The following HCFC2 variants were observed in gnomAD, a reference collection of about 807,000 sequenced individuals.
HCFC2 encodes the protein host cell factor C2, also known as host cell factor 2.
HCFC2 carries 18 observed loss-of-function variants against 89.2 expected under a neutral mutation model. That is an observed-to-expected ratio of 0.20 (90% CI 0.14 to 0.30). HCFC2 has a LOEUF of 0.30. Among genes scored for constraint, HCFC2 ranks in the 10% least tolerant of loss-of-function variants. The probability of loss-of-function intolerance (pLI) is 1.00; values close to 1 mark genes in which losing one functional copy is unlikely to be tolerated. For missense variants in HCFC2, 578 were observed against 956.1 expected (o/e 0.60, Z 5.21); for synonymous variants, 308 against 335.7 (o/e 0.92, Z 0.90).
Position 104,079,595 on chromosome 12 carries a change from G to A in HCFC2, c.624G>A (p.Met208Ile). Residue 208 changes from methionine (M) to isoleucine (I), a missense_variant, in exon 4 of 15, where the codon ATG (methionine) becomes ATA (isoleucine). Around this residue, in one of 4 missense-constraint regions of HCFC2, gnomAD observed 206 missense variants for 419.2 expected, o/e 0.49. Transcript: ENST00000229330. ...AAAAAGATTCTGGAAGTCCTAAAATGTATGTTTTTGGTGGAATGTGTGGTG... is the reference window on the plus strand; with the variant it reads ...AAAAAGATTCTGGAAGTCCTAAAATATATGTTTTTGGTGGAATGTGTGGTG... ...YCKKDSGSPKMYVFGGMCGAR... is the reference protein window; with the variant it reads ...YCKKDSGSPKIYVFGGMCGAR... The A allele has an allele frequency of 6.2e-7, 1 of 1,614,152 alleles. No individual in the cohort carries two copies. The highest frequency in any genetic ancestry group is 8.5e-7 in the Non-Finnish European group (1 of 1,179,998).
In HCFC2 at chr12:104,095,297, G is replaced by T; in HGVS notation, c.1463-63G>T. 7.9e-7 allele frequency: 1 copy of T among 1,266,740 alleles called. No individual in the cohort carries two copies. The highest frequency in any genetic ancestry group is 1.8e-5 in the Admixed American group (1 of 56,194). 78.5% of individuals were successfully genotyped at this position (1,266,740 alleles called of 1,614,324 possible). A position where few individuals can be genotyped will look rare whatever the true frequency, so the allele number is the denominator to read the frequency against. On this transcript the variant is annotated intron_variant, in intron 10 of 14. Transcript: ENST00000229330. This position sits in a 1 kb window ranked among gnomAD's most constrained non-coding sequence, Gnocchi z 4.2. ...GTACCAAGAATCATATGACAAGAAC[G>T]ATAAGACACAACAATTATCTGCAGA...
intron 14 of HCFC2, among the ~76,000 whole-genome samples, chr12:104,102,584 T>G (rs528746563): frequency 6.6e-6 from 1 of 152,212 alleles, no homozygotes; most frequent in Non-Finnish European, 1.5e-5. Flanking sequence ...TCTGGTATGC[T>G]TCTAAATTTG....
At chr12:104,079,379 A>G in intron 3 of HCFC2, 66 bp from the exon 4 acceptor site, 1 of 1,233,538 alleles carries the variant, frequency 8.1e-7, no homozygotes, top group Non-Finnish European at 1.1e-6. Context: ...CTTTATAAAT[A>G]GAAATAAAAT....
At chr12:104,093,939 G>T (rs896534004) in intron 10 of HCFC2, among the ~76,000 whole-genome samples, 2 of 152,116 alleles carry the variant, frequency 1.3e-5, no homozygotes, top group Non-Finnish European at 2.9e-5. Flanking sequence ...TGGCTGAAAT[G>T]GAGAGGCGAG....
chr12:104,091,284 A>G (rs1160900524), intron 9 of HCFC2, among the ~76,000 whole-genome samples: 2 of 152,198 alleles, frequency 1.3e-5, no homozygotes, highest in African/African-American at 2.4e-5. Context: ...GAGCAGAACT[A>G]GGGCTACAGC....
Position 104,105,829 on chromosome 12 carries a change from C to G in HCFC2, c.*2556C>G, listed in dbSNP as rs948628955. The G allele has an allele frequency of 2.0e-5, 3 of 152,030 alleles. No homozygotes were observed. The highest frequency in any genetic ancestry group is 7.2e-5 in the African/African-American group (3 of 41,432). 9.4% of individuals were successfully genotyped at this position (152,030 alleles called of 1,614,324 possible). On this transcript the variant is annotated 3_prime_UTR_variant, in exon 15 of 15. Transcript: ENST00000229330. The stretch of plus-strand genomic sequence containing the variant: ...CCCTTTGTGTAGCAGTAGGCTGTAT[C>G]ATGCAGATATTTTTCATAGGATTTG...
At chr12:104,096,492 T>C (rs1884182633) in intron 12 of HCFC2, 59 bp downstream of exon 12, 1 of 1,129,278 alleles carries the variant, frequency 8.9e-7, no homozygotes, top group East Asian at 2.4e-5. Context: ...TTTTAAATGC[T>C]GAGCAACTTC....
intron 13 of HCFC2, among the ~76,000 whole-genome samples, chr12:104,099,826 C>T (rs576622930): frequency 2.0e-4 from 30 of 152,162 alleles, no homozygotes; most frequent in African/African-American, 7.2e-4. Context: ...CCACCATGAC[C>T]AGCTAATTTT....
chr12:104,093,636 A>C, intron 10 of HCFC2, 73 bp downstream of exon 10: 1 of 1,319,620 alleles, frequency 7.6e-7, no homozygotes, highest in Non-Finnish European at 1.1e-6. Flanking sequence ...TGAAAAAGTA[A>C]ATGTTGTACA....
intron 7 of HCFC2, among the ~76,000 whole-genome samples, chr12:104,084,435 G>A (rs983440676): frequency 2.6e-5 from 4 of 152,162 alleles, no homozygotes; most frequent in African/African-American, 9.7e-5. Context: ...AACCACTGCA[G>A]GAGGAGGGAA....
chr12:104,097,608 A>C, intron 12 of HCFC2: 2 of 936,352 alleles, frequency 2.1e-6, no homozygotes, highest in Non-Finnish European at 2.5e-6. Flanking sequence ...TTATATATTT[A>C]AGACAGAAAT....
intron 7 of HCFC2, among the ~76,000 whole-genome samples, chr12:104,083,765 C>T (rs888642284): frequency 1.2e-4 from 18 of 152,116 alleles, no homozygotes; most frequent in Admixed American, 9.2e-4. Context: ...GTGGCTCACA[C>T]CTGTAATCCT....
rs1364006415 is a variant in HCFC2 at position 104,103,334 on chromosome 12, A to G, written c.*61A>G. On this transcript the variant is annotated 3_prime_UTR_variant, in exon 15 of 15. Coordinates refer to ENST00000229330, the MANE Select transcript of HCFC2 (RefSeq NM_013320.3). ...TATTTATTAGTAACTGGTTATGAAGATTTGTCATTTAAAAGAGTATTCTCT... is the reference window on the plus strand; with the variant it reads ...TATTTATTAGTAACTGGTTATGAAGGTTTGTCATTTAAAAGAGTATTCTCT... The G allele has an allele frequency of 7.4e-7, 1 of 1,346,816 alleles. No homozygotes were observed. The highest frequency in any genetic ancestry group is 1.0e-6 in the Non-Finnish European group (1 of 970,352). 83.4% of individuals were successfully genotyped at this position (1,346,816 alleles called of 1,614,324 possible).
chr12:104,097,767 A>G (rs1239112987), intron 12 of HCFC2: 1 of 354,140 alleles, frequency 2.8e-6, no homozygotes, highest in Non-Finnish European at 4.0e-6. Context: ...TTGTTTTAAA[A>G]CAGGATAAAA....
intron 13 of HCFC2, among the ~76,000 whole-genome samples, chr12:104,100,679 AT>A (rs1337169478): frequency 6.6e-6 from 1 of 152,152 alleles, no homozygotes; most frequent in Non-Finnish European, 1.5e-5. Context: ...ATTATATCCT[AT>A]ATATTTATAT....
chr12:104,083,677 A>G (rs779916644), intron 7 of HCFC2, among the ~76,000 whole-genome samples: 1 of 152,204 alleles, frequency 6.6e-6, no homozygotes, highest in African/African-American at 2.4e-5. Context: ...ATGCTGTACT[A>G]TCTTTGCAAC....
chr12:104,104,478 C>T lies in HCFC2; in HGVS notation c.*1205C>T, dbSNP rs2030035509. The T allele has an allele frequency of 6.6e-6, 1 of 151,946 alleles. No individual in the cohort carries two copies. Among genetic ancestry groups the T allele is most frequent in the Non-Finnish European group, 1.5e-5 (1 of 67,856 alleles). 9.4% of individuals were successfully genotyped at this position (151,946 alleles called of 1,614,324 possible). The stretch of plus-strand genomic sequence containing the variant: ...GAATTAATATACAGAGCAATAATTG[C>T]AGAAAAGATATTTCAAACTAAGAGC... On this transcript the variant is annotated 3_prime_UTR_variant, in exon 15 of 15. Coordinates refer to ENST00000229330, the MANE Select transcript of HCFC2 (RefSeq NM_013320.3).
intron 3 of HCFC2, among the ~76,000 whole-genome samples, chr12:104,072,704 G>C (rs987182110): frequency 6.6e-6 from 1 of 151,404 alleles, no homozygotes; most frequent in Non-Finnish European, 1.5e-5. Context: ...GTGCAGTGGC[G>C]CAATCTCAGC....
chr12:104,081,782 A>G (rs1038665442), intron 5 of HCFC2, among the ~76,000 whole-genome samples: 5 of 151,916 alleles, frequency 3.3e-5, no homozygotes, highest in African/African-American at 4.8e-5. Context: ...GCTCATGCCT[A>G]TAATCCCAGC....
Sources: gnomAD v4.1 joint callset for allele counts (sites outside exome capture counted in the v4.1 genomes callset) on GRCh38, gnomAD v4.1.1 for gene constraint, gnomAD v4.1.1 regional missense constraint, Gnocchi (gnomAD v3.1) non-coding constraint, MANE v1.5 for transcripts, NCBI Gene and HGNC (gene_info 2026-07-23, HGNC 2026-07-21) for gene names.